MTUS2: variants seen among roughly 807,000 people sequenced by gnomAD.
MTUS2 encodes the protein microtubule-associated tumor suppressor candidate 2.
A neutral mutation model predicts 114.1 loss-of-function variants in MTUS2; 40 were observed. The observed-to-expected ratio is 0.35, with a 90% CI of 0.27 to 0.46. The LOEUF (loss-of-function observed/expected upper bound fraction) is 0.46, where lower values mean the gene tolerates loss of function less well. MTUS2 is among the 20% of genes least tolerant of loss of function. The probability of loss-of-function intolerance (pLI) is 1.00; values close to 1 mark genes in which losing one functional copy is unlikely to be tolerated. For synonymous variants in MTUS2, 688 were observed against 672.0 expected, an observed-to-expected ratio of 1.02 and a Z score of -0.37; for missense variants, 1,679 against 1,705.4, an observed-to-expected ratio of 0.98 and a Z score of 0.27.
chr13:29,456,464 C>A (rs1473008514), intron 9 of MTUS2, among the ~76,000 whole-genome samples: 2 of 152,060 alleles, frequency 1.3e-5, no homozygotes, highest in Non-Finnish European at 2.9e-5. Context: ...GCAGAAATAT[C>A]CTGAGTTTGA....
chr13:29,049,235 G>A (rs1887776578), intron 4 of MTUS2, among the ~76,000 whole-genome samples: 1 of 152,190 alleles, frequency 6.6e-6, no homozygotes, highest in Non-Finnish European at 1.5e-5. Context: ...CTATTCACAA[G>A]GACATCCTTT....
At chr13:29,498,961 G>C (rs1038640799) in intron 14 of MTUS2, among the ~76,000 whole-genome samples, 1 of 152,198 alleles carries the variant, frequency 6.6e-6, no homozygotes, top group Non-Finnish European at 1.5e-5. Context: ...ATGCGGAGAT[G>C]GAGCTAAGGA....
In MTUS2 at chr13:28,935,926, T is replaced by C. The variant is rs112414005; in HGVS notation, c.-242-88531T>C. ...CATATCTGGCTAATTTTTAAACTTT[T>C]TGTAGAGATGGGATCTCGCTCTGTT... On this transcript the variant is annotated intron_variant, in intron 2 of 15. Transcript: ENST00000612955. Among the ~76,000 whole-genome samples, 748 of 152,210 alleles carry C rather than the reference T, an allele frequency of 4.9e-3. 6 individuals carry two copies. The highest frequency in any genetic ancestry group is 0.017 in the African/African-American group (721 of 41,526).
chr13:28,914,798 A>G (rs1880655184), intron 2 of MTUS2, among the ~76,000 whole-genome samples: 1 of 152,056 alleles, frequency 6.6e-6, no homozygotes, highest in Non-Finnish European at 1.5e-5. Context: ...TTGGGTAGTT[A>G]GTTCTTCTTG....
At chr13:29,329,185 G>A (rs1203819390) in intron 7 of MTUS2, among the ~76,000 whole-genome samples, 1 of 152,084 alleles carries the variant, frequency 6.6e-6, no homozygotes, top group Non-Finnish European at 1.5e-5. Flanking sequence ...AGGATGTGCA[G>A]GTTTGTTACA....
At chr13:29,097,305 G>T (rs951099324) in intron 4 of MTUS2, among the ~76,000 whole-genome samples, 3 of 152,160 alleles carry the variant, frequency 2.0e-5, no homozygotes, top group East Asian at 1.9e-4. Context: ...ACTTTAAATG[G>T]TGGTTGTTAT....
intron 9 of MTUS2, among the ~76,000 whole-genome samples, chr13:29,451,213 A>G (rs1339200056): frequency 6.6e-6 from 1 of 152,232 alleles, no homozygotes; most frequent in Non-Finnish European, 1.5e-5. Context: ...TTCAACAAAT[A>G]TAAAAGAATT....
intron 2 of MTUS2, among the ~76,000 whole-genome samples, chr13:28,991,066 C>A (rs766736670): frequency 6.6e-6 from 1 of 152,020 alleles, no homozygotes; most frequent in African/African-American, 2.4e-5. Context: ...AGAGAACTGT[C>A]GTGATCACAT....
intron 4 of MTUS2, among the ~76,000 whole-genome samples, chr13:29,071,560 G>A (rs1446832364): frequency 6.6e-6 from 1 of 150,482 alleles, no homozygotes; most frequent in Non-Finnish European, 1.5e-5. Flanking sequence ...CTGAGTAGCT[G>A]GGATTACAGG....
intron 4 of MTUS2, among the ~76,000 whole-genome samples, chr13:29,038,811 C>T (rs999500056): frequency 2.0e-5 from 3 of 152,240 alleles, no homozygotes; most frequent in Non-Finnish European, 4.4e-5. Context: ...CTCCGCCCAG[C>T]TCGAACTTTC....
At chr13:29,058,033 C>T (rs1031538818) in intron 4 of MTUS2, among the ~76,000 whole-genome samples, 7 of 151,910 alleles carry the variant, frequency 4.6e-5, no homozygotes, top group African/African-American at 1.5e-4. Flanking sequence ...TTTATTTCTT[C>T]TTTTCTTATG....
At chr13:29,204,841 G>A (rs1029575554) in intron 5 of MTUS2, among the ~76,000 whole-genome samples, 2 of 152,324 alleles carry the variant, frequency 1.3e-5, no homozygotes, top group South Asian at 2.1e-4. Flanking sequence ...AGCATCGCTC[G>A]CTGGGCACCT....
chr13:29,024,215 T>C (rs1886409327), intron 2 of MTUS2, among the ~76,000 whole-genome samples: 1 of 152,256 alleles, frequency 6.6e-6, no homozygotes, highest in African/African-American at 2.4e-5. Context: ...GACTTGTGGA[T>C]GTTTAAAATT....
chr13:29,195,706 CAT>C (rs1194032777), intron 5 of MTUS2, among the ~76,000 whole-genome samples: 1 of 152,058 alleles, frequency 6.6e-6, no homozygotes, highest in East Asian at 1.9e-4. Context: ...GTCAGGGAGT[CAT>C]AGTGGTGAAG....
intron 4 of MTUS2, among the ~76,000 whole-genome samples, chr13:29,071,235 C>T (rs554020447): frequency 2.1e-4 from 31 of 151,148 alleles, no homozygotes; most frequent in African/African-American, 5.1e-4. Context: ...CTCCTGACCT[C>T]GTGATCCTCC....
chr13:29,197,106 G>A (rs1466493004), intron 5 of MTUS2, among the ~76,000 whole-genome samples: 1 of 152,044 alleles, frequency 6.6e-6, no homozygotes, highest in Non-Finnish European at 1.5e-5. Flanking sequence ...GAATGTGTAG[G>A]TTTGTTACAT....
intron 8 of MTUS2, among the ~76,000 whole-genome samples, chr13:29,366,765 A>G (rs7327968): frequency 0.95 from 143,837 of 152,168 alleles, 68,398 homozygotes; most frequent in East Asian, 1. Flanking sequence ...AAAGAGAGAC[A>G]GGGAGAGAGA....
chr13:29,052,459 C>CAAAAAAAAAAA (rs11325314), intron 4 of MTUS2, among the ~76,000 whole-genome samples: 3 of 94,858 alleles, frequency 3.2e-5, no homozygotes, highest in African/African-American at 4.1e-5. Flanking sequence ...CTAGCCTGAG[C>CAAAAAAAAAAA]AAAAAAAAAA....
In MTUS2 at chr13:29,025,260, G is replaced by A. The variant is rs796307345; in HGVS notation, c.562G>A (p.Gly188Arg). ...AGCAAGCAGCTCTGTAGCTGCAGTC[G>A]GGAGCCTGACTCCGCAGCATCCACA... ...ERASSSVAAVGSLTPQHPQPL... is the reference protein window; with the variant it reads ...ERASSSVAAVRSLTPQHPQPL... The change falls in exon 3 of 16, where the codon GGG becomes AGG. Residue 188 changes from glycine (G) to arginine (R), a missense_variant. By Grantham distance (125) the Gly-to-Arg change is moderately radical. Transcript: ENST00000612955. 22 of 1,613,916 alleles carry A rather than the reference G, an allele frequency of 1.4e-5. No individual in the cohort carries two copies. The highest frequency in any genetic ancestry group is 1.1e-4 in the African/African-American group (8 of 75,012).
Sources: allele counts gnomAD v4.1 joint callset (sites outside exome capture counted in the v4.1 genomes callset), GRCh38; gene constraint gnomAD v4.1.1; transcripts MANE v1.5; gene names NCBI Gene and HGNC (gene_info 2026-07-23, HGNC 2026-07-21).